Variants in HS6ST3 observed in about 807,000 individuals in gnomAD.
HS6ST3 encodes the protein heparan sulfate 6-O-sulfotransferase 3.
In HS6ST3, 12 loss-of-function variants were observed where a neutral mutation model predicts 36.7. The ratio of observed to expected loss-of-function variants is 0.33; its 90% CI spans 0.21 to 0.53. The LOEUF (loss-of-function observed/expected upper bound fraction) is 0.53. HS6ST3 is among the 20% of genes least tolerant of loss of function. HS6ST3 has a pLI of 0.95. For missense variants in HS6ST3, 584 were observed against 640.9 expected, an observed-to-expected ratio of 0.91 and a Z score of 0.96; for synonymous variants, 240 against 257.5, an observed-to-expected ratio of 0.93 and a Z score of 0.65.
intron 1 of HS6ST3, among the ~76,000 whole-genome samples, chr13:96,133,971 C>A (rs2053989215): frequency 6.6e-6 from 1 of 151,658 alleles, no homozygotes; most frequent in South Asian, 2.1e-4. Context: ...TGATGTGAGG[C>A]AAAGGTCCAA....
chr13:96,510,721 T>G (rs1354726459), intron 1 of HS6ST3, among the ~76,000 whole-genome samples: 1 of 152,176 alleles, frequency 6.6e-6, no homozygotes, highest in Non-Finnish European at 1.5e-5. Context: ...ATTATTAACA[T>G]TATTAATGTT....
At chr13:96,445,038 T>C (rs999998846) in intron 1 of HS6ST3, among the ~76,000 whole-genome samples, 3 of 152,240 alleles carry the variant, frequency 2.0e-5, no homozygotes, top group African/African-American at 7.2e-5. Context: ...ATGTAGTGAA[T>C]GACCTCAGCA....
chr13:96,273,703 G>T (rs149807243), intron 1 of HS6ST3, among the ~76,000 whole-genome samples: 5 of 152,058 alleles, frequency 3.3e-5, no homozygotes, highest in Non-Finnish European at 7.4e-5. Context: ...TATCGGTTAG[G>T]TTTCAAATAA....
intron 1 of HS6ST3, among the ~76,000 whole-genome samples, chr13:96,357,085 G>A (rs1465218187): frequency 6.6e-6 from 1 of 152,162 alleles, no homozygotes; most frequent in Non-Finnish European, 1.5e-5. Flanking sequence ...ACTTCTCTCA[G>A]CCTTCCTAGA....
intron 1 of HS6ST3, among the ~76,000 whole-genome samples, chr13:96,170,925 G>C (rs1463468104): frequency 6.6e-6 from 1 of 152,196 alleles, no homozygotes; most frequent in Non-Finnish European, 1.5e-5. Context: ...AAACACACGC[G>C]CACGTGCGCA....
intron 1 of HS6ST3, among the ~76,000 whole-genome samples, chr13:96,824,528 A>G (rs1381763128): frequency 6.6e-6 from 1 of 152,194 alleles, no homozygotes; most frequent in Non-Finnish European, 1.5e-5. Flanking sequence ...CTAAGCCTTA[A>G]CTGCCGCAAT....
At chr13:96,386,635 G>C (rs2055369771) in intron 1 of HS6ST3, among the ~76,000 whole-genome samples, 2 of 152,118 alleles carry the variant, frequency 1.3e-5, no homozygotes, top group Admixed American at 1.3e-4. Context: ...GGGAAGCAGA[G>C]GTGGGTGGAT....
intron 1 of HS6ST3, among the ~76,000 whole-genome samples, chr13:96,799,170 C>T (rs1214127015): frequency 6.6e-6 from 1 of 152,036 alleles, no homozygotes; most frequent in Non-Finnish European, 1.5e-5. Flanking sequence ...GTTCTAGATC[C>T]CTGAGGAATT....
intron 1 of HS6ST3, among the ~76,000 whole-genome samples, chr13:96,546,989 CT>C (rs1164578571): frequency 2.0e-5 from 3 of 152,162 alleles, no homozygotes; most frequent in African/African-American, 4.8e-5. Context: ...TAGCCCACCC[CT>C]GATGCCAGAA....
At chr13:96,703,912 GCTTT>G (rs1440032947) in intron 1 of HS6ST3, among the ~76,000 whole-genome samples, 1 of 152,054 alleles carries the variant, frequency 6.6e-6, no homozygotes, top group African/African-American at 2.4e-5. Flanking sequence ...AAAGTGTTTG[GCTTT>G]CCCTCTCCCC....
chr13:96,633,693 T>C (rs546295936), intron 1 of HS6ST3, among the ~76,000 whole-genome samples: 125 of 152,280 alleles, frequency 8.2e-4, no homozygotes, highest in Non-Finnish European at 1.5e-3. Flanking sequence ...ATCTTATGGA[T>C]TGAACGTTTG....
At chr13:96,589,978 A>G (rs891809580) in intron 1 of HS6ST3, among the ~76,000 whole-genome samples, 26 of 152,118 alleles carry the variant, frequency 1.7e-4, no homozygotes, top group African/African-American at 6.0e-4. Context: ...TAACATAATA[A>G]TCTCCAGTTC....
intron 1 of HS6ST3, among the ~76,000 whole-genome samples, chr13:96,149,612 G>T (rs1300448240): frequency 6.6e-6 from 1 of 152,084 alleles, no homozygotes; most frequent in Non-Finnish European, 1.5e-5. Context: ...TTTTTAAAAA[G>T]TAAACATTTT....
At chr13:96,418,757 C>T (rs1007416163) in intron 1 of HS6ST3, among the ~76,000 whole-genome samples, 1 of 152,218 alleles carries the variant, frequency 6.6e-6, no homozygotes, top group South Asian at 2.1e-4. Flanking sequence ...AGAAAACAAG[C>T]TGTCTGAGCT....
intron 1 of HS6ST3, among the ~76,000 whole-genome samples, chr13:96,628,187 C>T (rs945177926): frequency 6.6e-6 from 1 of 151,682 alleles, no homozygotes; most frequent in Non-Finnish European, 1.5e-5. Flanking sequence ...TAACTTAATC[C>T]CACAAGTTTT....
intron 1 of HS6ST3, among the ~76,000 whole-genome samples, chr13:96,302,313 A>C (rs1172065856): frequency 6.6e-6 from 1 of 151,900 alleles, no homozygotes; most frequent in African/African-American, 2.4e-5. Flanking sequence ...AACAATTGGA[A>C]ATTAAAAAAT....
chr13:96,771,597 A>G (rs1036672091), intron 1 of HS6ST3, among the ~76,000 whole-genome samples: 1 of 152,210 alleles, frequency 6.6e-6, no homozygotes, highest in Non-Finnish European at 1.5e-5. Context: ...GCAGATGTAC[A>G]TTTAGGAGCG....
chr13:96,393,093 C>T (rs1227180747), intron 1 of HS6ST3, among the ~76,000 whole-genome samples: 1 of 152,162 alleles, frequency 6.6e-6, no homozygotes, highest in Non-Finnish European at 1.5e-5. Context: ...GCCCCTTTCA[C>T]TTGGCTCTCA....
rs868773369 is a variant in HS6ST3, at chr13:96,527,139, G to T, written c.708-305351G>T. Among the ~76,000 whole-genome samples the T allele has an allele frequency of 8.6e-5, 13 of 151,836 alleles. No individual in the cohort carries two copies. The South Asian group carries it at 1.0e-3, about 12-fold the overall frequency. The stretch of plus-strand genomic sequence containing the variant: ...GGTGTCTTGCTGGGTCACCCAGGCT[G>T]GTTGCAGTGGAACAATCACGGCTCA... On this transcript the variant is annotated intron_variant, in intron 1 of 1. Transcript: ENST00000376705.
Sources: gnomAD v4.1 joint callset for allele counts (sites outside exome capture counted in the v4.1 genomes callset) on GRCh38, gnomAD v4.1.1 for gene constraint, MANE v1.5 for transcripts, NCBI Gene and HGNC (gene_info 2026-07-23, HGNC 2026-07-21) for gene names.